Variants in PTPRD observed in about 807,000 individuals in gnomAD.
The protein encoded by PTPRD is receptor-type tyrosine-protein phosphatase delta.
PTPRD carries 34 observed loss-of-function variants against 214.5 expected under a neutral mutation model. That is an observed-to-expected ratio of 0.16 (90% CI 0.12 to 0.21). PTPRD has a LOEUF of 0.21. Among genes scored for constraint, PTPRD ranks in the 10% least tolerant of loss-of-function variants. The pLI, the probability that PTPRD is intolerant of heterozygous loss-of-function variation, is 1.00. For synonymous variants in PTPRD, 1,128 were observed against 845.7 expected (o/e 1.33, Z -5.79); for missense variants, 2,545 against 2,398.7 (o/e 1.06, Z -1.27).
intron 43 of PTPRD, 60 bp downstream of exon 43, chr9:8,338,862 A>AGAGAGAGG: frequency 6.6e-7 from 1 of 1,512,292 alleles, no homozygotes; most frequent in Non-Finnish European, 9.0e-7. Context: ...AGAGAGAGAG[A>AGAGAGAGG]GAGGTATCTT....
chr9:9,932,168 G>A (rs1355235605), intron 5 of PTPRD, among the ~76,000 whole-genome samples: 3 of 149,786 alleles, frequency 2.0e-5, no homozygotes, highest in African/African-American at 7.7e-5. Context: ...AATGCAGAGT[G>A]CCTCTCCTCC....
intron 39 of PTPRD, among the ~76,000 whole-genome samples, chr9:8,349,309 T>A (rs1564163201): frequency 6.6e-6 from 1 of 152,184 alleles, no homozygotes; most frequent in Admixed American, 6.5e-5. Flanking sequence ...TTTAAAAGTA[T>A]CCCAGCCTAC....
At chr9:9,538,718 T>C (rs1591079224) in intron 8 of PTPRD, among the ~76,000 whole-genome samples, 2 of 151,998 alleles carry the variant, frequency 1.3e-5, no homozygotes, top group African/African-American at 4.8e-5. Context: ...TACATATACG[T>C]CAATGAATAG....
At chr9:8,568,989 T>G (rs2090285762) in intron 14 of PTPRD, among the ~76,000 whole-genome samples, 1 of 152,122 alleles carries the variant, frequency 6.6e-6, no homozygotes, top group South Asian at 2.1e-4. Flanking sequence ...CTTCCCAAGT[T>G]TAAGTTCAAA....
At chr9:8,906,846 C>A (rs531354519) in intron 11 of PTPRD, among the ~76,000 whole-genome samples, 1 of 152,152 alleles carries the variant, frequency 6.6e-6, no homozygotes, top group African/African-American at 2.4e-5. Context: ...CATGGAAGGT[C>A]TTGCTAAACT....
At chr9:9,619,885 T>G (rs1428275179) in intron 7 of PTPRD, among the ~76,000 whole-genome samples, 1 of 149,602 alleles carries the variant, frequency 6.7e-6, no homozygotes, top group Non-Finnish European at 1.5e-5. Flanking sequence ...TATAGATGTT[T>G]TTATATACAG....
At chr9:8,766,757 G>A (rs2094784434) in intron 11 of PTPRD, among the ~76,000 whole-genome samples, 1 of 152,116 alleles carries the variant, frequency 6.6e-6, no homozygotes, top group Non-Finnish European at 1.5e-5. Flanking sequence ...TTGTTTTTAT[G>A]AATCTTTCTT....
intron 11 of PTPRD, among the ~76,000 whole-genome samples, chr9:8,790,541 C>T (rs2096187900): frequency 6.6e-6 from 1 of 151,946 alleles, no homozygotes. Context: ...CCTCAGCCTC[C>T]CGAGTAGCTG....
chr9:9,924,114 T>C (rs1404145399), intron 5 of PTPRD, among the ~76,000 whole-genome samples: 1 of 152,056 alleles, frequency 6.6e-6, no homozygotes, highest in Non-Finnish European at 1.5e-5. Context: ...CATAATCATG[T>C]AAATAGGAAA....
intron 3 of PTPRD, among the ~76,000 whole-genome samples, chr9:10,226,164 T>G (rs1243415223): frequency 6.6e-6 from 1 of 151,968 alleles, no homozygotes; most frequent in Non-Finnish European, 1.5e-5. Flanking sequence ...CCCCCCAAAA[T>G]TGTACCTCCT....
intron 2 of PTPRD, among the ~76,000 whole-genome samples, chr9:10,511,994 GTGTA>G (rs1391123841): frequency 2.3e-4 from 23 of 100,590 alleles, no homozygotes; most frequent in East Asian, 2.0e-3. Context: ...ATATACGTGT[GTGTA>G]TATATATATA....
intron 26 of PTPRD, among the ~76,000 whole-genome samples, chr9:8,496,109 T>C (rs1299805797): frequency 6.6e-6 from 1 of 151,894 alleles, no homozygotes; most frequent in Admixed American, 6.6e-5. Flanking sequence ...CTCAACTGTC[T>C]CAATGACTGG....
intron 11 of PTPRD, among the ~76,000 whole-genome samples, chr9:8,967,974 A>G (rs2099209556): frequency 4.0e-5 from 6 of 151,824 alleles, no homozygotes; most frequent in Admixed American, 3.9e-4. Context: ...TCATTGTTCA[A>G]TTCCTACCTA....
At chr9:9,622,240 G>C (rs986253303) in intron 7 of PTPRD, among the ~76,000 whole-genome samples, 1 of 151,946 alleles carries the variant, frequency 6.6e-6, no homozygotes, top group Non-Finnish European at 1.5e-5. Flanking sequence ...CAAAATTCAG[G>C]GTGCTGACTG....
intron 12 of PTPRD, among the ~76,000 whole-genome samples, chr9:8,640,363 T>G (rs1280742202): frequency 6.6e-6 from 1 of 151,662 alleles, no homozygotes; most frequent in Non-Finnish European, 1.5e-5. Flanking sequence ...AATAAAAAAT[T>G]TAAAGAAAAG....
In PTPRD at chr9:8,733,927, A is replaced by G; in HGVS notation, c.-84T>C. 1.5e-6 allele frequency: 2 copies of G among 1,372,628 alleles called. No individual in the cohort carries two copies. Among genetic ancestry groups the G allele is most frequent in the Non-Finnish European group, 2.0e-6 (2 of 993,618 alleles). 85.0% of individuals were successfully genotyped at this position (1,372,628 alleles called of 1,614,324 possible). On this transcript the variant is annotated 5_prime_UTR_variant, in exon 12 of 46. Coordinates refer to ENST00000381196, the MANE Select transcript of PTPRD (RefSeq NM_002839.4). ...GCGAGTCTGTCCGATCTGAAATTTC[A>G]GCTGGAACACTTTCAGAGCCTGAAA...
intron 5 of PTPRD, among the ~76,000 whole-genome samples, chr9:9,833,136 A>G (rs1274864145): frequency 6.6e-6 from 1 of 152,010 alleles, no homozygotes; most frequent in East Asian, 1.9e-4. Flanking sequence ...ATTTCTAAGG[A>G]ACAAAATAAC....
At chr9:10,229,245 C>T (rs567625208) in intron 3 of PTPRD, among the ~76,000 whole-genome samples, 97 of 152,158 alleles carry the variant, frequency 6.4e-4, no homozygotes, top group African/African-American at 2.2e-3. Context: ...CACTTTTACA[C>T]TGTTGGCGGG....
chr9:10,439,561 T>C (rs2098745519), intron 2 of PTPRD, among the ~76,000 whole-genome samples: 1 of 151,652 alleles, frequency 6.6e-6, no homozygotes, highest in African/African-American at 2.4e-5. Context: ...ATTCAAGGGT[T>C]TCACTATTAA....
Sources: gnomAD v4.1 joint callset for allele counts (sites outside exome capture counted in the v4.1 genomes callset) on GRCh38, gnomAD v4.1.1 for gene constraint, MANE v1.5 for transcripts, NCBI Gene and HGNC (gene_info 2026-07-23, HGNC 2026-07-21) for gene names.